Variants in MICU1 observed in about 807,000 individuals in gnomAD.
MICU1 encodes calcium uptake protein 1, mitochondrial.
A neutral mutation model predicts 56.8 loss-of-function variants in MICU1; 45 were observed. The observed-to-expected ratio is 0.79, with a 90% CI of 0.62 to 1.02. The LOEUF (loss-of-function observed/expected upper bound fraction) is 1.02, where lower values mean the gene tolerates loss of function less well. MICU1 is among the 50% of genes least tolerant of loss of function. The pLI is 0.00. For synonymous variants in MICU1, 186 were observed against 195.1 expected, an observed-to-expected ratio of 0.95 and a Z score of 0.39; for missense variants, 504 against 587.1, an observed-to-expected ratio of 0.86 and a Z score of 1.46.
intron 4 of MICU1, among the ~76,000 whole-genome samples, chr10:72,536,072 G>T (rs932994647): frequency 6.6e-6 from 1 of 152,092 alleles, no homozygotes. Flanking sequence ...GGGGAAATGG[G>T]AGGGACTAGA....
At chr10:72,561,416 G>A (rs1840292028) in intron 3 of MICU1, among the ~76,000 whole-genome samples, 2 of 152,186 alleles carry the variant, frequency 1.3e-5, no homozygotes, top group Admixed American at 6.5e-5. Flanking sequence ...AATGTATCCT[G>A]ACAGAAAAAC....
intron 8 of MICU1, among the ~76,000 whole-genome samples, chr10:72,456,767 C>T (rs1865470635): frequency 6.6e-6 from 1 of 151,982 alleles, no homozygotes; most frequent in South Asian, 2.1e-4. Flanking sequence ...CAACTCACTG[C>T]AGTTTCAGCC....
In MICU1 at chr10:72,390,908, C is replaced by T. The variant is rs74710909; in HGVS notation, c.1181-15036G>A. On this transcript the variant is annotated intron_variant, in intron 10 of 11. Transcript: ENST00000361114. ...CTTGAGGGTGGAACCCTGTGCCTAGCACAGTACCTATTGCTTTTGGGTGAA... is the reference window on the plus strand; with the variant it reads ...CTTGAGGGTGGAACCCTGTGCCTAGTACAGTACCTATTGCTTTTGGGTGAA... 6.0e-3 allele frequency among the ~76,000 whole-genome samples: 917 copies of T among 152,354 alleles called. 8 individuals are homozygous for T. Among genetic ancestry groups the T allele is most frequent in the East Asian group, 0.034 (175 of 5,190 alleles).
chr10:72,424,666 C>A (rs1361128941), intron 8 of MICU1, among the ~76,000 whole-genome samples: 1 of 152,138 alleles, frequency 6.6e-6, no homozygotes, highest in Non-Finnish European at 1.5e-5. Context: ...TAGCTCCACT[C>A]TGCAGATGAG....
At chr10:72,551,064 A>G (rs1840022974) in intron 4 of MICU1, 115 bp downstream of exon 4, 2 of 1,004,776 alleles carry the variant, frequency 2.0e-6, no homozygotes, top group Non-Finnish European at 1.4e-6. Context: ...CAATAGACAC[A>G]CTGTTCATAT....
chr10:72,450,726 C>CT (rs34091247), intron 8 of MICU1, among the ~76,000 whole-genome samples: 4,617 of 128,746 alleles, frequency 0.036, 220 homozygotes, highest in African/African-American at 0.11. Flanking sequence ...TTTTTTAATT[C>CT]TTTTTTTTTT....
intron 8 of MICU1, among the ~76,000 whole-genome samples, chr10:72,452,827 T>G (rs1865340063): frequency 6.6e-6 from 1 of 152,186 alleles, no homozygotes; most frequent in Non-Finnish European, 1.5e-5. Context: ...GCAGTATTCA[T>G]TTACTAAAAT....
At chr10:72,495,061 TA>T (rs1198758569) in intron 6 of MICU1, among the ~76,000 whole-genome samples, 27 of 152,308 alleles carry the variant, frequency 1.8e-4, no homozygotes, top group African/African-American at 6.3e-4. Context: ...GATTATTCAA[TA>T]TCAGTGATGT....
At chr10:72,420,315 C>A (rs1864116356) in intron 9 of MICU1, among the ~76,000 whole-genome samples, 1 of 152,198 alleles carries the variant, frequency 6.6e-6, no homozygotes. Flanking sequence ...CCTGCCTCGG[C>A]CTCCCAAAGT....
chr10:72,607,212 A>G (rs900885628), intron 1 of MICU1, among the ~76,000 whole-genome samples: 2 of 151,602 alleles, frequency 1.3e-5, no homozygotes, highest in Non-Finnish European at 2.9e-5. Context: ...GTCATGGCGC[A>G]AACCTGTAAT....
At chr10:72,476,395 A>AT (rs925784296) in intron 7 of MICU1, among the ~76,000 whole-genome samples, 1 of 151,506 alleles carries the variant, frequency 6.6e-6, no homozygotes, top group African/African-American at 2.4e-5. Context: ...ATCCCAGCTA[A>AT]TTTTTTTTCC....
At chr10:72,598,261 C>CT (rs879664359) in intron 1 of MICU1, among the ~76,000 whole-genome samples, 63 of 146,452 alleles carry the variant, frequency 4.3e-4, no homozygotes, top group South Asian at 2.0e-3. Flanking sequence ...AAAATATATT[C>CT]TTTTTTTTTT....
At chr10:72,524,829 CATAAT>C in intron 5 of MICU1, 1 of 876,940 alleles carries the variant, frequency 1.1e-6, no homozygotes, top group Non-Finnish European at 1.5e-6. Context: ...TATCACAAAA[CATAAT>C]ATACAAAGAA....
Position 72,538,899 on chromosome 10 carries a change from G to C in MICU1, c.494-5110C>G, listed in dbSNP as rs563838242. 5.4e-4 allele frequency among the ~76,000 whole-genome samples: 82 copies of C among 151,870 alleles called. No individual in the cohort carries two copies. In the Middle Eastern group the frequency reaches 0.01, roughly 19 times the overall value. ...CACAAACAGACTGAAAGTAAGTAAA[G>C]GGAAAAAGATATTTGGAAATAGAAA... is the stretch of plus-strand genomic sequence containing the variant. On this transcript the variant is annotated intron_variant, in intron 4 of 11. Transcript: ENST00000361114.
chr10:72,504,832 C>T (rs1439388219), intron 6 of MICU1, among the ~76,000 whole-genome samples: 3 of 152,020 alleles, frequency 2.0e-5, no homozygotes, highest in African/African-American at 7.2e-5. Context: ...TGGATAGATC[C>T]TTCTCAAAAG....
rs1840455778 is a variant in MICU1 at position 72,566,932 on chromosome 10, T to C, written c.-1-138A>G. ...ACTATTCTAAACAATTTGCTTATATTATCCCATTTAATCCTCAGAATAATC... is the reference window on the plus strand; with the variant it reads ...ACTATTCTAAACAATTTGCTTATATCATCCCATTTAATCCTCAGAATAATC... On this transcript the variant is annotated intron_variant, in intron 1 of 11. Transcript: ENST00000361114. 8.7e-6 allele frequency: 6 copies of C among 686,982 alleles called. No individual in the cohort carries two copies. In the Admixed American group the frequency reaches 1.6e-4, roughly 19 times the overall value. 42.6% of individuals were successfully genotyped at this position (686,982 alleles called of 1,614,324 possible).
intron 6 of MICU1, among the ~76,000 whole-genome samples, chr10:72,498,452 G>A (rs1006864208): frequency 4.6e-5 from 7 of 152,196 alleles, no homozygotes; most frequent in African/African-American, 1.7e-4. Context: ...CAGGTGTGGT[G>A]ATGCGTGCCT....
intron 4 of MICU1, among the ~76,000 whole-genome samples, chr10:72,541,027 G>C (rs1464808755): frequency 6.6e-6 from 1 of 152,202 alleles, no homozygotes; most frequent in Non-Finnish European, 1.5e-5. Flanking sequence ...GAGAGCAGCA[G>C]AGAGCACTTC....
At chr10:72,518,270 G>A (rs549414013) in intron 5 of MICU1, among the ~76,000 whole-genome samples, 34 of 152,150 alleles carry the variant, frequency 2.2e-4, no homozygotes, top group Middle Eastern at 6.8e-3. Context: ...CTGACCTCAA[G>A]TGATCCTCCT....
Sources: gnomAD v4.1 joint callset for allele counts (sites outside exome capture counted in the v4.1 genomes callset) on GRCh38, gnomAD v4.1.1 for gene constraint, MANE v1.5 for transcripts, NCBI Gene and HGNC (gene_info 2026-07-23, HGNC 2026-07-21) for gene names.